CSMD3: variants seen among roughly 807,000 people sequenced by gnomAD.
CSMD3 encodes CUB and Sushi multiple domains 3, also known as CUB and sushi domain-containing protein 3.
CSMD3 carries 177 observed loss-of-function variants against 435.2 expected under a neutral mutation model. That is an observed-to-expected ratio of 0.41 (90% CI 0.36 to 0.46). The LOEUF is 0.46. Among genes scored for constraint, CSMD3 ranks in the 20% least tolerant of loss-of-function variants. The probability of loss-of-function intolerance (pLI) is 0.34; values close to 1 mark genes in which losing one functional copy is unlikely to be tolerated. For synonymous variants in CSMD3, 1,656 were observed against 1,520.5 expected, an observed-to-expected ratio of 1.09 and a Z score of -2.07; for missense variants, 4,265 against 4,504.6, an observed-to-expected ratio of 0.95 and a Z score of 1.52.
intron 11 of CSMD3, among the ~76,000 whole-genome samples, chr8:112,837,213 A>C (rs1007365144): frequency 6.6e-6 from 1 of 151,772 alleles, no homozygotes; most frequent in African/African-American, 2.4e-5. Flanking sequence ...TTTCATGGTA[A>C]AGTCTGTATT....
At chr8:112,384,376 CCTGT>C (rs751683023) in intron 36 of CSMD3, among the ~76,000 whole-genome samples, 49 of 152,246 alleles carry the variant, frequency 3.2e-4, no homozygotes, top group Admixed American at 7.2e-4. Flanking sequence ...TTAATTCTCT[CCTGT>C]CTATTACAGT....
At chr8:113,089,117 G>C (rs770181974) in intron 5 of CSMD3, among the ~76,000 whole-genome samples, 3 of 152,036 alleles carry the variant, frequency 2.0e-5, no homozygotes, top group Admixed American at 6.6e-5. Context: ...ATGGACTAAA[G>C]CAATCTTCAC....
At chr8:113,416,084 C>A (rs1045457802) in intron 1 of CSMD3, among the ~76,000 whole-genome samples, 3 of 151,936 alleles carry the variant, frequency 2.0e-5, no homozygotes, top group Non-Finnish European at 4.4e-5. Context: ...TTTTCTATGT[C>A]CTTAGCATAG....
chr8:113,309,347 T>C (rs186353391), intron 2 of CSMD3: 1 of 152,364 alleles, frequency 6.6e-6, no homozygotes, highest in Non-Finnish European at 1.5e-5. Flanking sequence ...GATGTAAGCA[T>C]AGTACATGAC....
chr8:112,481,166 T>C (rs547601485), intron 31 of CSMD3, among the ~76,000 whole-genome samples: 1 of 152,152 alleles, frequency 6.6e-6, no homozygotes, highest in East Asian at 1.9e-4. Flanking sequence ...GGGGTATGTA[T>C]GTGGGATGAA....
At chr8:113,250,343 C>G (rs1357229) in intron 3 of CSMD3, among the ~76,000 whole-genome samples, 151,653 of 152,192 alleles carry the variant, frequency 1, 75,558 homozygotes, top group Middle Eastern at 1. Flanking sequence ...CTTGAAGATG[C>G]GTTTGTGAGA....
chr8:113,183,228 G>A (rs113916977), intron 3 of CSMD3, among the ~76,000 whole-genome samples: 2,760 of 152,118 alleles, frequency 0.018, 81 homozygotes, highest in African/African-American at 0.062. Context: ...ATCTTTAGGA[G>A]TGCTTTGAGC....
chr8:112,398,159 G>T lies in CSMD3; in HGVS notation c.5810-7371C>A, dbSNP rs543171753. On this transcript the variant is annotated intron_variant, in intron 35 of 70. Transcript: ENST00000297405. ...GGACCAAAACCTTAAAATTCAAGAA[G>T]AATCTCTTTGATTCAATGCTCTGTT... Among the ~76,000 whole-genome samples the T allele has an allele frequency of 2.6e-5, 4 of 152,256 alleles. No homozygotes were observed. In the South Asian group the frequency reaches 8.3e-4, roughly 32 times the overall value.
intron 3 of CSMD3, among the ~76,000 whole-genome samples, chr8:113,241,168 T>C (rs1385430809): frequency 6.6e-6 from 1 of 152,122 alleles, no homozygotes; most frequent in Non-Finnish European, 1.5e-5. Flanking sequence ...TCTAAAATGC[T>C]GGGACATTTC....
chr8:112,255,227 G>A (rs1278104275), intron 62 of CSMD3, 27 bp downstream of exon 62: 5 of 1,574,812 alleles, frequency 3.2e-6, no homozygotes, highest in Non-Finnish European at 4.4e-6. Flanking sequence ...CAGTTACTGT[G>A]CATAATCAGC....
intron 1 of CSMD3, among the ~76,000 whole-genome samples, chr8:113,435,837 G>A (rs1400138395): frequency 6.6e-6 from 1 of 152,072 alleles, no homozygotes; most frequent in African/African-American, 2.4e-5. Context: ...TTCTCCCTAA[G>A]GACAGCTCTT....
rs146839427 is a variant in CSMD3, at chr8:112,868,736, G to C, written c.1634-9470C>G. Among the ~76,000 whole-genome samples the C allele has an allele frequency of 3.0e-4, 46 of 152,242 alleles. No homozygotes were observed. The East Asian group carries it at 5.8e-3, about 19-fold the overall frequency. Reference sequence around the variant, plus strand: ...ATATATAGTCAACTAACCTGTGACAGGGTCACCAAAAATACAAAATGGGGG... The same window carrying C: ...ATATATAGTCAACTAACCTGTGACACGGTCACCAAAAATACAAAATGGGGG... On this transcript the variant is annotated intron_variant, in intron 10 of 70. Transcript: ENST00000297405.
intron 13 of CSMD3, among the ~76,000 whole-genome samples, chr8:112,723,647 A>G (rs1717503936): frequency 6.6e-6 from 1 of 152,284 alleles, no homozygotes; most frequent in Admixed American, 6.5e-5. Context: ...AAGATGGGAA[A>G]CAATGAGGAT....
At chr8:112,674,192 A>G (rs1195536229) in intron 16 of CSMD3, among the ~76,000 whole-genome samples, 2 of 152,122 alleles carry the variant, frequency 1.3e-5, no homozygotes, top group Non-Finnish European at 2.9e-5. Context: ...TCATTCCTCT[A>G]CTTACTTCAG....
At chr8:112,282,866 T>C (rs1162757837) in intron 58 of CSMD3, among the ~76,000 whole-genome samples, 2 of 152,092 alleles carry the variant, frequency 1.3e-5, no homozygotes, top group Admixed American at 6.6e-5. Flanking sequence ...TGCCTGTGAA[T>C]AAACCTGCAT....
intron 4 of CSMD3, among the ~76,000 whole-genome samples, chr8:113,161,332 T>C (rs766567021): frequency 1.2e-4 from 18 of 152,276 alleles, no homozygotes; most frequent in Non-Finnish European, 2.4e-4. Flanking sequence ...GGTTGTAATA[T>C]CTATTCCAGT....
intron 13 of CSMD3, among the ~76,000 whole-genome samples, chr8:112,770,089 GGTCT>G (rs2078073896): frequency 1.3e-5 from 2 of 151,832 alleles, no homozygotes; most frequent in African/African-American, 4.8e-5. Flanking sequence ...AATACAAAGT[GGTCT>G]GTCTTATTAA....
intron 45 of CSMD3, among the ~76,000 whole-genome samples, chr8:112,326,779 G>T (rs1823552244): frequency 1.3e-5 from 2 of 152,194 alleles, no homozygotes; most frequent in Non-Finnish European, 2.9e-5. Context: ...ACTATGGGAT[G>T]TGAGGAGAGC....
At position 112,454,145 on chromosome 8, in the gene CSMD3, C is replaced by A. The variant is rs374293585; in HGVS notation, c.5395+18446G>T. Among the ~76,000 whole-genome samples, 18 of 152,222 alleles carry A rather than the reference C, an allele frequency of 1.2e-4. 1 individual carries two copies. Among genetic ancestry groups the A allele is most frequent in the African/African-American group, 4.3e-4 (18 of 41,534 alleles). ...ACGTAAGACGTCAAACTATAAAAAT[C>A]CTAAAAGAAAATGTAGGAAATACCA... On this transcript the variant is annotated intron_variant, in intron 32 of 70. Transcript: ENST00000297405.
Sources: allele counts gnomAD v4.1 joint callset (sites outside exome capture counted in the v4.1 genomes callset), GRCh38; gene constraint gnomAD v4.1.1; transcripts MANE v1.5; gene names NCBI Gene and HGNC (gene_info 2026-07-23, HGNC 2026-07-21).